The following TMC5 variants were observed in gnomAD, a reference collection of about 807,000 sequenced individuals.
TMC5 encodes the protein transmembrane channel like 5, also known as transmembrane channel-like protein 5.
Under a neutral mutation model 110.5 loss-of-function variants are expected in TMC5, and 86 were observed. The ratio of observed to expected loss-of-function variants is 0.78; its 90% CI spans 0.65 to 0.93. The LOEUF (loss-of-function observed/expected upper bound fraction) is 0.93, where lower values mean the gene tolerates loss of function less well. Ranked by LOEUF, TMC5 falls within the 40% of genes least tolerant of loss-of-function variation. The pLI, the probability that TMC5 is intolerant of heterozygous loss-of-function variation, is 0.00. For missense variants in TMC5, 1,144 were observed against 1,222.8 expected (o/e 0.94, Z 0.96); for synonymous variants, 455 against 439.5 (o/e 1.04, Z -0.44).
rs1489096974 is a variant in TMC5, at chr16:19,456,621, G to A, written c.1049-3614G>A. 9 of 1,521,262 alleles carry A rather than the reference G, an allele frequency of 5.9e-6. No homozygotes were observed. The South Asian group carries it at 6.7e-5, about 11-fold the overall frequency. 94.2% of individuals were successfully genotyped at this position (1,521,262 alleles called of 1,614,324 possible). Reference sequence around the variant, plus strand: ...GTGATCATCATCACTTTTTCCCTGCGAGTCCCAATCAATGCGGGTGTGACT... The same window carrying A: ...GTGATCATCATCACTTTTTCCCTGCAAGTCCCAATCAATGCGGGTGTGACT... On this transcript the variant is annotated intron_variant, in intron 5 of 21. Transcript: ENST00000542583.
At chr16:19,448,184 G>A (rs1467746928) in intron 4 of TMC5, among the ~76,000 whole-genome samples, 4 of 136,382 alleles carry the variant, frequency 2.9e-5, no homozygotes, top group African/African-American at 1.3e-4. Context: ...ACTAGAGTAA[G>A]GCTATGTTAG....
upstream of TMC5, among the ~76,000 whole-genome samples, chr16:19,416,424 C>T (rs559491790): frequency 6.6e-6 from 1 of 152,292 alleles, no homozygotes; most frequent in Admixed American, 6.5e-5. Flanking sequence ...AGAGAAAACC[C>T]TTTGTGATGG....
chr16:19,490,988 T>TCCCTTCCCTTCCCTTCCCCTTC (rs1272827601), intron 18 of TMC5, among the ~76,000 whole-genome samples: 2 of 134,324 alleles, frequency 1.5e-5, no homozygotes, highest in East Asian at 2.7e-4. Context: ...CCCCTTCTCC[T>TCCCTTCCCTTCCCTTCCCCTTC]TCCTTCCTTC....
chr16:19,463,471 T>G (rs1469580698), intron 7 of TMC5, 104 bp downstream of exon 7: 18 of 1,021,368 alleles, frequency 1.8e-5, no homozygotes, highest in Non-Finnish European at 2.8e-5. Flanking sequence ...TCAGAGCAAT[T>G]TCATTGCCCA....
In TMC5 at chr16:19,492,130, T is replaced by C. The variant is rs763566546; in HGVS notation, c.2748-20T>C. ...CAAAACATTTGCAAGAGTGTCATTC[T>C]TTCTTTTCTCCTCTTCCAGAATCAT... is the stretch of plus-strand genomic sequence containing the variant. On this transcript the variant is annotated intron_variant, in intron 18 of 21. Transcript: ENST00000542583. 3 of 1,593,752 alleles carry C rather than the reference T, an allele frequency of 1.9e-6. No homozygotes were observed. The South Asian group carries it at 3.3e-5, about 18-fold the overall frequency.
intron 5 of TMC5, among the ~76,000 whole-genome samples, chr16:19,451,668 A>T (rs1557516): frequency 6.6e-6 from 1 of 152,046 alleles, no homozygotes; most frequent in African/African-American, 2.4e-5. Context: ...ATCGCTGGGT[A>T]TCCTCCAATT....
intron 10 of TMC5, 114 bp downstream of exon 10, chr16:19,469,939 G>C (rs1968289919): frequency 8.2e-7 from 1 of 1,221,068 alleles, no homozygotes; most frequent in African/African-American, 1.5e-5. Context: ...CTGTCGCCCA[G>C]GCTGGAGTGC....
Position 19,444,263 on chromosome 16 carries a change from TAAG to T in TMC5, c.958+14_958+16del, listed in dbSNP as rs1240893145. 3 of 1,612,568 alleles carry T rather than the reference TAAG, an allele frequency of 1.9e-6. No homozygotes were observed. Among genetic ancestry groups the T allele is most frequent in the Non-Finnish European group, 2.5e-6 (3 of 1,179,554 alleles). Reference sequence around the variant, plus strand: ...GGAAGTGGCTATGGTAAGCATTTGTTAAGCCAGGATCATATCCTGGGAAAAAAC... The same window carrying T: ...GGAAGTGGCTATGGTAAGCATTTGTTCCAGGATCATATCCTGGGAAAAAAC... On this transcript the variant is annotated intron_variant, in intron 4 of 21. Coordinates refer to ENST00000542583, the MANE Select transcript of TMC5 (RefSeq NM_001261841.2).
intron 12 of TMC5, among the ~76,000 whole-genome samples, chr16:19,475,802 CTTTTTTTTTT>C (rs1032784346): frequency 4.2e-4 from 54 of 127,354 alleles, no homozygotes; most frequent in African/African-American, 1.5e-3. Context: ...AATTTTCTTT[CTTTTTTTTTT>C]TTTTTTTTTT....
chr16:19,418,820 T>A (rs1475428269), intron 1 of TMC5, among the ~76,000 whole-genome samples: 2 of 151,532 alleles, frequency 1.3e-5, no homozygotes, highest in Non-Finnish European at 2.9e-5. Context: ...CTTGATCTCC[T>A]GGGCTCAAGC....
rs1366754026 is a variant in TMC5 at position 19,498,050 on chromosome 16, AG to A, written c.*86del. The A allele has an allele frequency of 3.7e-6, 5 of 1,348,164 alleles. No individual in the cohort carries two copies. The East Asian group carries it at 1.1e-4, about 31-fold the overall frequency. 83.5% of individuals were successfully genotyped at this position (1,348,164 alleles called of 1,614,324 possible). ...TTTCTTCCATGCCACCTGTGCCTTT[AG>A]GAACTGCCCAGAAGAAAATCCAAGG... On this transcript the variant is annotated 3_prime_UTR_variant, in exon 22 of 22. Coordinates refer to ENST00000542583, the MANE Select transcript of TMC5 (RefSeq NM_001261841.2).
intron 5 of TMC5, chr16:19,456,795 T>G (rs769010891): frequency 6.2e-7 from 1 of 1,614,156 alleles, no homozygotes; most frequent in South Asian, 1.1e-5. Flanking sequence ...TCAAATCAGA[T>G]TTTTCAAGAA....
chr16:19,493,151 G>T (rs1249355254), intron 19 of TMC5, among the ~76,000 whole-genome samples: 3 of 150,970 alleles, frequency 2.0e-5, no homozygotes, highest in Admixed American at 1.3e-4. Context: ...AGTAGAGATG[G>T]GGTTTCTCCA....
intron 20 of TMC5, among the ~76,000 whole-genome samples, chr16:19,495,698 G>A (rs1411480773): frequency 4.0e-5 from 6 of 151,890 alleles, no homozygotes; most frequent in Non-Finnish European, 8.8e-5. Context: ...TAATAATTAG[G>A]CACGGTGGCA....
At chr16:19,449,961 G>A (rs559295753) in intron 5 of TMC5, among the ~76,000 whole-genome samples, 1 of 152,278 alleles carries the variant, frequency 6.6e-6, no homozygotes, top group South Asian at 2.1e-4. Context: ...AAATTATGCA[G>A]TCTCAGGCAG....
chr16:19,456,956 C>G, intron 5 of TMC5: 3 of 1,614,164 alleles, frequency 1.9e-6, no homozygotes, highest in Non-Finnish European at 2.5e-6. Context: ...GTCTCAGACC[C>G]TTCATAGCCT....
intron 15 of TMC5, among the ~76,000 whole-genome samples, chr16:19,485,394 G>A (rs1211849473): frequency 2.0e-5 from 3 of 152,018 alleles, no homozygotes; most frequent in Non-Finnish European, 2.9e-5. Context: ...TCCCAACATC[G>A]GCAATCTTCC....
chr16:19,476,256 A>T (rs1968485930), intron 12 of TMC5, among the ~76,000 whole-genome samples: 1 of 152,064 alleles, frequency 6.6e-6, no homozygotes, highest in African/African-American at 2.4e-5. Context: ...CTGAGGTGGG[A>T]GAAGTGCTTG....
chr16:19,469,123 CT>C (rs554934943), intron 9 of TMC5, among the ~76,000 whole-genome samples: 8 of 152,166 alleles, frequency 5.3e-5, no homozygotes, highest in Non-Finnish European at 1.2e-4. Flanking sequence ...CAACAGGGAA[CT>C]GGGTGGATTA....
Sources: allele counts gnomAD v4.1 joint callset (sites outside exome capture counted in the v4.1 genomes callset), GRCh38; gene constraint gnomAD v4.1.1; transcripts MANE v1.5; gene names NCBI Gene and HGNC (gene_info 2026-07-23, HGNC 2026-07-21).